Variants in MAPKAP1 observed in about 807,000 individuals in gnomAD.
The protein encoded by MAPKAP1 is MAPK associated protein 1, also known as target of rapamycin complex 2 subunit MAPKAP1.
Under a neutral mutation model 65.7 loss-of-function variants are expected in MAPKAP1, and 20 were observed. The ratio of observed to expected loss-of-function variants is 0.30; its 90% CI spans 0.21 to 0.44. The LOEUF (loss-of-function observed/expected upper bound fraction) is 0.44. Among genes scored for constraint, MAPKAP1 ranks in the 20% least tolerant of loss-of-function variants. The probability of loss-of-function intolerance (pLI) is 1.00; values close to 1 mark genes in which losing one functional copy is unlikely to be tolerated. For synonymous variants in MAPKAP1, 222 were observed against 244.3 expected (o/e 0.91, Z 0.85); for missense variants, 423 against 648.0 (o/e 0.65, Z 3.77).
chr9:125,680,590 T>C (rs1226941045), intron 1 of MAPKAP1, among the ~76,000 whole-genome samples: 4 of 152,222 alleles, frequency 2.6e-5, no homozygotes, highest in African/African-American at 2.4e-5. Context: ...TCTGGAGAGT[T>C]TGTTTCTTCT....
intron 6 of MAPKAP1, among the ~76,000 whole-genome samples, chr9:125,556,696 T>C (rs1468808546): frequency 6.6e-6 from 1 of 152,220 alleles, no homozygotes; most frequent in African/African-American, 2.4e-5. Context: ...GGAGGAGTAG[T>C]TACGGCTTTA....
At chr9:125,554,933 A>G (rs900939315) in intron 6 of MAPKAP1, among the ~76,000 whole-genome samples, 6 of 152,116 alleles carry the variant, frequency 3.9e-5, no homozygotes, top group African/African-American at 1.4e-4. Context: ...GTTTAAAAGG[A>G]TGTTAATCGT....
chr9:125,438,232 C>T lies in MAPKAP1; in HGVS notation c.*655G>A, dbSNP rs918923678. The T allele has an allele frequency of 4.3e-5, 17 of 395,764 alleles. No individual in the cohort carries two copies. The highest frequency in any genetic ancestry group is 6.3e-4 in the Middle Eastern group (1 of 1,596). The allele number at this position is 395,764 out of a possible 1,614,324, so 24.5% of individuals were successfully genotyped here. ...GGGTGTGCTGAAGGGGAAAGTGACA[C>T]GGCCTTGGACACACCACTAGGTCTC... is the stretch of plus-strand genomic sequence containing the variant. On this transcript the variant is annotated 3_prime_UTR_variant, in exon 12 of 12. Coordinates refer to ENST00000265960, the MANE Select transcript of MAPKAP1 (RefSeq NM_001006617.3).
At chr9:125,540,780 G>T (rs1313178989) in intron 7 of MAPKAP1, among the ~76,000 whole-genome samples, 1 of 152,132 alleles carries the variant, frequency 6.6e-6, no homozygotes, top group Non-Finnish European at 1.5e-5. Flanking sequence ...TAACTAACAG[G>T]TATTTCATAG....
At chr9:125,546,801 G>A (rs572986259) in intron 6 of MAPKAP1, among the ~76,000 whole-genome samples, 7 of 152,218 alleles carry the variant, frequency 4.6e-5, no homozygotes, top group African/African-American at 1.7e-4. Flanking sequence ...AGGAGCTGTG[G>A]CGGGGTGATC....
chr9:125,615,864 A>C (rs146157828), intron 4 of MAPKAP1, among the ~76,000 whole-genome samples: 3,850 of 151,990 alleles, frequency 0.025, 78 homozygotes, highest in South Asian at 0.057. Context: ...CAGTGAGCCA[A>C]GATCACGCTG....
chr9:125,606,305 G>A (rs1322658421), intron 4 of MAPKAP1, among the ~76,000 whole-genome samples: 2 of 152,078 alleles, frequency 1.3e-5, no homozygotes, highest in Non-Finnish European at 1.5e-5. Context: ...AATTCAGCAG[G>A]GATAACATAC....
At chr9:125,619,465 A>G (rs951904287) in intron 4 of MAPKAP1, among the ~76,000 whole-genome samples, 3 of 151,774 alleles carry the variant, frequency 2.0e-5, no homozygotes, top group African/African-American at 7.3e-5. Context: ...CGAAAGAGCA[A>G]GACTCCATTT....
chr9:125,559,516 C>A, intron 6 of MAPKAP1, 117 bp downstream of exon 6: 1 of 860,394 alleles, frequency 1.2e-6, no homozygotes, highest in Non-Finnish European at 1.8e-6. Flanking sequence ...ATCGTTATTA[C>A]CAGTGGACTC....
intron 7 of MAPKAP1, among the ~76,000 whole-genome samples, chr9:125,527,000 C>A (rs1175489617): frequency 6.6e-6 from 1 of 151,264 alleles, no homozygotes; most frequent in Non-Finnish European, 1.5e-5. Context: ...GTCTCGATCT[C>A]CTGACCTCGT....
At chr9:125,698,297 ATATATATATATAT>A (rs1835472165) in intron 1 of MAPKAP1, among the ~76,000 whole-genome samples, 1 of 10,524 alleles carries the variant, frequency 9.5e-5, no homozygotes, top group Non-Finnish European at 1.9e-4. Flanking sequence ...AAATATATAT[ATATATATATATAT>A]ATATATATAT....
chr9:125,622,506 C>T (rs572545007), intron 4 of MAPKAP1, among the ~76,000 whole-genome samples: 4 of 152,048 alleles, frequency 2.6e-5, no homozygotes, highest in South Asian at 4.1e-4. Context: ...AGTGCAGTGG[C>T]GTGATCTCGG....
rs754515894 is a variant in MAPKAP1, at chr9:125,672,340, C to T, written c.235G>A (p.Gly79Ser). The T allele has an allele frequency of 6.2e-7, 1 of 1,614,132 alleles. No individual in the cohort carries two copies. The highest frequency in any genetic ancestry group is 8.5e-7 in the Non-Finnish European group (1 of 1,180,020). ...CCTGTGTTTGAGCGTCTTCTAATAC[C>T]AAAGTCCCAACTTGAGGTAATATCG... ...SVDITSSWDF[G>S]IRRRSNTAQR... Residue 79 changes from glycine to serine, a missense_variant, in exon 2 of 12, where the codon GGT (glycine) becomes AGT (serine). Transcript: ENST00000265960.
chr9:125,675,779 G>A (rs1403649990), intron 1 of MAPKAP1, among the ~76,000 whole-genome samples: 1 of 152,096 alleles, frequency 6.6e-6, no homozygotes, highest in Non-Finnish European at 1.5e-5. Flanking sequence ...TAACTTCCAA[G>A]GACTATTCAA....
rs139657201 is a variant in MAPKAP1, at chr9:125,651,297, G to T, written c.498+6354C>A. On this transcript the variant is annotated intron_variant, in intron 4 of 11. Coordinates refer to ENST00000265960, the MANE Select transcript of MAPKAP1 (RefSeq NM_001006617.3). ...GGAGAATAACTGCTAAAATCATGTT[G>T]AGACTTTTCTTTTAAAAAGTATGTA... 8.5e-5 allele frequency among the ~76,000 whole-genome samples: 13 copies of T among 152,256 alleles called. No individual in the cohort carries two copies. The East Asian group carries it at 2.5e-3, about 29-fold the overall frequency.
chr9:125,455,184 C>A (rs551317526), intron 10 of MAPKAP1, among the ~76,000 whole-genome samples: 1 of 152,160 alleles, frequency 6.6e-6, no homozygotes, highest in Non-Finnish European at 1.5e-5. Flanking sequence ...CTTCTCTGAG[C>A]CCCAGTTAAC....
intron 1 of MAPKAP1, among the ~76,000 whole-genome samples, chr9:125,693,610 T>C (rs556534767): frequency 1.7e-4 from 25 of 146,372 alleles, no homozygotes; most frequent in African/African-American, 4.3e-4. Flanking sequence ...CACATACACA[T>C]ATATACACAC....
intron 5 of MAPKAP1, among the ~76,000 whole-genome samples, chr9:125,576,501 T>TC: frequency 6.6e-6 from 1 of 150,694 alleles, no homozygotes; most frequent in South Asian, 2.1e-4. Flanking sequence ...CCTCTCCCTC[T>TC]CCCCACGGTC....
chr9:125,629,092 C>CACACACACACACACA (rs1488464152), intron 4 of MAPKAP1, among the ~76,000 whole-genome samples: 1 of 135,770 alleles, frequency 7.4e-6, no homozygotes, highest in African/African-American at 2.7e-5. Flanking sequence ...CACACACACA[C>CACACACACACACACA]CAGAAAATAA....
Sources: gnomAD v4.1 joint callset for allele counts (sites outside exome capture counted in the v4.1 genomes callset) on GRCh38, gnomAD v4.1.1 for gene constraint, MANE v1.5 for transcripts, NCBI Gene and HGNC (gene_info 2026-07-23, HGNC 2026-07-21) for gene names.